SLC39A11: variants seen among roughly 807,000 people sequenced by gnomAD.
SLC39A11 encodes the protein zinc transporter ZIP11.
Under a neutral mutation model 36.1 loss-of-function variants are expected in SLC39A11, and 33 were observed. That is an observed-to-expected ratio of 0.91 (90% CI 0.69 to 1.22). SLC39A11 has a LOEUF of 1.22. Ranked by LOEUF, SLC39A11 falls within the 50% of genes most tolerant of loss-of-function variation. SLC39A11 has a pLI of 0.00. For synonymous variants in SLC39A11, 166 were observed against 170.3 expected (o/e 0.97, Z 0.20); for missense variants, 432 against 430.3 (o/e 1.00, Z -0.03).
chr17:72,820,387 G>C (rs1299035398), intron 6 of SLC39A11, among the ~76,000 whole-genome samples: 2 of 151,148 alleles, frequency 1.3e-5, no homozygotes, highest in Non-Finnish European at 3.0e-5. Flanking sequence ...AGTGAAACAA[G>C]AGCATCTTTA....
At chr17:73,065,523 A>G (rs575299795) in intron 3 of SLC39A11, among the ~76,000 whole-genome samples, 1 of 152,368 alleles carries the variant, frequency 6.6e-6, no homozygotes, top group South Asian at 2.1e-4. Flanking sequence ...CCAATTCCAC[A>G]GCCTGGACAC....
At chr17:72,755,453 T>G (rs1056608211) in intron 6 of SLC39A11, among the ~76,000 whole-genome samples, 1 of 151,902 alleles carries the variant, frequency 6.6e-6, no homozygotes, top group African/African-American at 2.4e-5. Flanking sequence ...GCCAGGGGAG[T>G]TGGGAGGATG....
intron 6 of SLC39A11, among the ~76,000 whole-genome samples, chr17:72,799,642 C>T (rs1248844453): frequency 6.6e-6 from 1 of 152,072 alleles, no homozygotes; most frequent in East Asian, 1.9e-4. Context: ...CTGAGATACG[C>T]CCTGGTCTCC....
chr17:72,689,992 G>A (rs2071946327), intron 7 of SLC39A11, among the ~76,000 whole-genome samples: 1 of 152,234 alleles, frequency 6.6e-6, no homozygotes, highest in Non-Finnish European at 1.5e-5. Flanking sequence ...TCTCCACCGA[G>A]CGCTGTGTGA....
At chr17:72,765,681 T>C (rs1213850094) in intron 6 of SLC39A11, among the ~76,000 whole-genome samples, 3 of 152,208 alleles carry the variant, frequency 2.0e-5, no homozygotes, top group African/African-American at 7.2e-5. Context: ...ACACTAGCTA[T>C]ATTCCCTCGC....
At chr17:72,966,712 G>A (rs1305722309) in intron 4 of SLC39A11, among the ~76,000 whole-genome samples, 6 of 152,162 alleles carry the variant, frequency 3.9e-5, no homozygotes, top group African/African-American at 1.4e-4. Context: ...TGGGACTACA[G>A]GCGCCCGCCA....
chr17:72,649,001 G>T (rs1312324547), intron 8 of SLC39A11, 40 bp from the exon 9 acceptor site: 1 of 1,590,466 alleles, frequency 6.3e-7, no homozygotes, highest in Admixed American at 1.8e-5. Context: ...GCAGGGGGAG[G>T]CAAGCAGACA....
intron 6 of SLC39A11, among the ~76,000 whole-genome samples, chr17:72,797,687 G>A (rs1357460995): frequency 2.6e-5 from 4 of 152,094 alleles, no homozygotes; most frequent in African/African-American, 9.7e-5. Flanking sequence ...ACACCATCGT[G>A]GCCCGGCTCT....
rs61453793 is a variant in SLC39A11 at position 72,951,261 on chromosome 17, CAAAA to C, written c.307-3390_307-3387del. Among the ~76,000 whole-genome samples the C allele has an allele frequency of 7.5e-4, 65 of 86,976 alleles. 2 individuals are homozygous for C. The highest frequency in any genetic ancestry group is 7.8e-3 in the Middle Eastern group (1 of 128). 57.1% of individuals were successfully genotyped at this position (86,976 alleles called of 152,430 possible). A position where few individuals can be genotyped will look rare whatever the true frequency, so the allele number is the denominator to read the frequency against. On this transcript the variant is annotated intron_variant, in intron 4 of 9. Coordinates refer to ENST00000255559, the MANE Select transcript of SLC39A11 (RefSeq NM_139177.4). ...TGGGCAACGGAGAGTGACCCTGTTG[CAAAA>C]AAAAAAAAAAAAAGCCAGCAAAATG... is the stretch of plus-strand genomic sequence containing the variant.
chr17:73,071,229 T>C (rs2060152924), intron 3 of SLC39A11, among the ~76,000 whole-genome samples: 1 of 152,138 alleles, frequency 6.6e-6, no homozygotes, highest in South Asian at 2.1e-4. Context: ...CTAGCGACTG[T>C]TACAAATTTG....
chr17:72,666,135 G>A (rs186220963), intron 7 of SLC39A11, among the ~76,000 whole-genome samples: 4 of 152,258 alleles, frequency 2.6e-5, no homozygotes, highest in East Asian at 1.9e-4. Context: ...TAAATTGGGC[G>A]ACCCGTAAGT....
intron 5 of SLC39A11, among the ~76,000 whole-genome samples, chr17:72,917,056 A>G (rs2083374749): frequency 6.6e-6 from 1 of 152,232 alleles, no homozygotes. Flanking sequence ...ATCTTCAGTG[A>G]CCAGATAGGA....
At chr17:72,915,068 G>A (rs933173135) in intron 5 of SLC39A11, among the ~76,000 whole-genome samples, 7 of 152,078 alleles carry the variant, frequency 4.6e-5, no homozygotes, top group East Asian at 1.9e-4. Flanking sequence ...GGAGCCTCCC[G>A]GGTATCTCAG....
chr17:72,733,697 A>T (rs1034895100), intron 7 of SLC39A11, among the ~76,000 whole-genome samples: 3 of 152,118 alleles, frequency 2.0e-5, no homozygotes, highest in East Asian at 3.9e-4. Context: ...TACTTTCATC[A>T]TCTTACAGTG....
At chr17:72,770,938 C>T (rs762050256) in intron 6 of SLC39A11, among the ~76,000 whole-genome samples, 11 of 151,934 alleles carry the variant, frequency 7.2e-5, no homozygotes, top group Non-Finnish European at 1.6e-4. Context: ...ATTCTGCACA[C>T]GAGTAAACCG....
chr17:72,957,272 T>C (rs750849896), intron 4 of SLC39A11, among the ~76,000 whole-genome samples: 3 of 152,192 alleles, frequency 2.0e-5, no homozygotes, highest in African/African-American at 7.2e-5. Context: ...CAATGTCACA[T>C]TGTCAGGTAC....
chr17:72,977,976 C>T (rs886334883), intron 4 of SLC39A11, among the ~76,000 whole-genome samples: 3 of 152,160 alleles, frequency 2.0e-5, no homozygotes, highest in Admixed American at 6.5e-5. Flanking sequence ...AGTGAGTCAC[C>T]GGGTCACCAG....
At chr17:72,651,440 C>T (rs1188585083) in intron 7 of SLC39A11, among the ~76,000 whole-genome samples, 1 of 152,188 alleles carries the variant, frequency 6.6e-6, no homozygotes, top group Non-Finnish European at 1.5e-5. Flanking sequence ...AGGGTGCTTA[C>T]TGTATACAAG....
chr17:72,854,591 C>T (rs1246001505), intron 5 of SLC39A11, among the ~76,000 whole-genome samples: 2 of 152,130 alleles, frequency 1.3e-5, no homozygotes, highest in South Asian at 4.1e-4. Context: ...GCTAAGCCCA[C>T]AACACAGGCT....
Sources: gnomAD v4.1 joint callset for allele counts (sites outside exome capture counted in the v4.1 genomes callset) on GRCh38, gnomAD v4.1.1 for gene constraint, MANE v1.5 for transcripts, NCBI Gene and HGNC (gene_info 2026-07-23, HGNC 2026-07-21) for gene names.